Variants in LYPLA1 observed in about 807,000 individuals in gnomAD.
LYPLA1 encodes the protein lysophospholipase 1.
In LYPLA1, 17 loss-of-function variants were observed where a neutral mutation model predicts 34.0. The ratio of observed to expected loss-of-function variants is 0.50; its 90% CI spans 0.34 to 0.75. The LOEUF is 0.75. Among genes scored for constraint, LYPLA1 ranks in the 30% least tolerant of loss-of-function variants. The pLI is 0.01. For missense variants in LYPLA1, 203 were observed against 288.8 expected (o/e 0.70, Z 2.15); for synonymous variants, 98 against 100.8 (o/e 0.97, Z 0.17).
chr8:54,066,153 G>A (rs1160477238), intron 2 of LYPLA1, among the ~76,000 whole-genome samples: 1 of 152,026 alleles, frequency 6.6e-6, no homozygotes, highest in Non-Finnish European at 1.5e-5. Context: ...TAGCCAGGAT[G>A]GTCTTGATCT....
intron 5 of LYPLA1, among the ~76,000 whole-genome samples, chr8:54,060,610 C>T (rs1459352677): frequency 6.6e-6 from 1 of 152,106 alleles, no homozygotes; most frequent in Non-Finnish European, 1.5e-5. Context: ...GTAAGAAACA[C>T]CTAGCTTGTA....
intron 8 of LYPLA1, 27 bp downstream of exon 8, chr8:54,050,985 C>T (rs765965245): frequency 8.4e-6 from 13 of 1,555,218 alleles, no homozygotes; most frequent in East Asian, 6.8e-5. Flanking sequence ...ACAAATATGG[C>T]GCTGATCACT....
At chr8:54,043,572 C>A (rs547233437), downstream of LYPLA1, among the ~76,000 whole-genome samples, 42 of 151,832 alleles carry the variant, frequency 2.8e-4, no homozygotes, top group African/African-American at 9.2e-4. Context: ...CCGCACCTGA[C>A]CCTATTTATT....
chr8:54,096,716 C>T (rs1459063570), intron 2 of LYPLA1, among the ~76,000 whole-genome samples: 1 of 151,058 alleles, frequency 6.6e-6, no homozygotes, highest in Non-Finnish European at 1.5e-5. Context: ...ACACTCCAGC[C>T]TGGACGACAG....
In LYPLA1 at chr8:54,091,945, AGGCATGGT is replaced by A. The variant is rs541711419; in HGVS notation, c.101+8955_101+8962del. Among the ~76,000 whole-genome samples, 331 of 152,180 alleles carry A rather than the reference AGGCATGGT, an allele frequency of 2.2e-3. 5 individuals are homozygous for A. Among genetic ancestry groups the A allele is most frequent in the African/African-American group, 7.3e-3 (305 of 41,530 alleles). On this transcript the variant is annotated intron_variant, in intron 2 of 8. Transcript: ENST00000316963. ...TCTACAAAAACTTTAAAAAATAGCCAGGCATGGTGGCATGCAGCTGTACTTCCAGTCAC... is the reference window on the plus strand; with the variant it reads ...TCTACAAAAACTTTAAAAAATAGCCAGGCATGCAGCTGTACTTCCAGTCAC...
At position 54,082,125 on chromosome 8, in the gene LYPLA1, C is replaced by G. The variant is rs117001987; in HGVS notation, c.102-16312G>C. On this transcript the variant is annotated intron_variant, in intron 2 of 8. Coordinates refer to ENST00000316963, the MANE Select transcript of LYPLA1 (RefSeq NM_006330.4). The stretch of plus-strand genomic sequence containing the variant: ...CGAAACTGCAGTCCCGTAGGAGAAA[C>G]AAGATATAAACATACCACCACACAG... 7.9e-4 allele frequency among the ~76,000 whole-genome samples: 121 copies of G among 152,246 alleles called. 2 individuals carry two copies. In the East Asian group the frequency reaches 0.022, roughly 27 times the overall value.
chr8:54,065,477 A>AATAC (rs1462385007), intron 3 of LYPLA1, among the ~76,000 whole-genome samples: 1 of 151,276 alleles, frequency 6.6e-6, no homozygotes, highest in Non-Finnish European at 1.5e-5. Flanking sequence ...TAAATAAATA[A>AATAC]ATAAATAAAT....
Position 54,047,244 on chromosome 8 carries a change from G to A in LYPLA1, c.*821C>T, listed in dbSNP as rs1469668399. On this transcript the variant is annotated 3_prime_UTR_variant, in exon 9 of 9. Transcript: ENST00000316963. ...TAATTCGAAATAAGTAGTGCATGAA[G>A]TTTTAATGTCTGGTTTCTCTATAAA... 3 of 152,170 alleles carry A rather than the reference G, an allele frequency of 2.0e-5. No homozygotes were observed. The highest frequency in any genetic ancestry group is 4.4e-5 in the Non-Finnish European group (3 of 67,982). The allele number at this position is 152,170 out of a possible 1,614,324, so 9.4% of individuals were successfully genotyped here. A position where few individuals can be genotyped will look rare whatever the true frequency, so the allele number is the denominator to read the frequency against.
At chr8:54,081,632 G>A (rs1315533106) in intron 2 of LYPLA1, among the ~76,000 whole-genome samples, 3 of 151,920 alleles carry the variant, frequency 2.0e-5, no homozygotes, top group Non-Finnish European at 4.4e-5. Flanking sequence ...GGTCAGGCTG[G>A]TCTCAAACTC....
At chr8:54,070,517 G>A (rs1209608861) in intron 2 of LYPLA1, among the ~76,000 whole-genome samples, 1 of 152,048 alleles carries the variant, frequency 6.6e-6, no homozygotes, top group Non-Finnish European at 1.5e-5. Flanking sequence ...TGAGGTCAGG[G>A]GTTCGAGACC....
chr8:54,101,904 CG>C lies in LYPLA1; in HGVS notation c.-82del. On this transcript the variant is annotated 5_prime_UTR_variant, in exon 1 of 9. Coordinates refer to ENST00000316963, the MANE Select transcript of LYPLA1 (RefSeq NM_006330.4). ...CCAAGGGCGTGCGAGCGGCGAGTCC[CG>C]GCCGGCCCCACCGGGCGCACGCTCA... The C allele has an allele frequency of 1.2e-6, 1 of 851,406 alleles. No individual in the cohort carries two copies. The highest frequency in any genetic ancestry group is 1.5e-6 in the Non-Finnish European group (1 of 659,788). The allele number at this position is 851,406 out of a possible 1,614,324, so 52.7% of individuals were successfully genotyped here.
At chr8:54,065,690 A>G (rs1470914792) in intron 3 of LYPLA1, 58 bp downstream of exon 3, 4 of 1,343,926 alleles carry the variant, frequency 3.0e-6, no homozygotes, top group Non-Finnish European at 4.2e-6. Flanking sequence ...GGGTAAAGCA[A>G]TCACAATTGC....
chr8:54,093,146 C>T (rs1809434616), intron 2 of LYPLA1, among the ~76,000 whole-genome samples: 1 of 152,112 alleles, frequency 6.6e-6, no homozygotes, highest in Non-Finnish European at 1.5e-5. Context: ...CGAGTGTGTC[C>T]ACACTGAGAA....
At chr8:54,055,738 G>A (rs1482754483) in intron 5 of LYPLA1, among the ~76,000 whole-genome samples, 1 of 151,712 alleles carries the variant, frequency 6.6e-6, no homozygotes, top group African/African-American at 2.4e-5. Context: ...CCGCCTACTG[G>A]ATTCATGCCA....
intron 5 of LYPLA1, among the ~76,000 whole-genome samples, chr8:54,055,335 T>A (rs566269400): frequency 2.8e-4 from 43 of 152,148 alleles, no homozygotes; most frequent in East Asian, 1.5e-3. Flanking sequence ...AAGGAAATTT[T>A]AAAAAAATCA....
rs1442189549 is a variant in LYPLA1, at chr8:54,091,541, GAA to G, written c.101+9365_101+9366del. ...AAGAAAAAGAAAAGAAAAAAGAAAA[GAA>G]AAGAAAAGAAGAAAGGAAGGAAGGA... On this transcript the variant is annotated intron_variant, in intron 2 of 8. Transcript: ENST00000316963. Among the ~76,000 whole-genome samples the G allele has an allele frequency of 3.5e-4, 47 of 135,886 alleles. 1 individual carries two copies. The highest frequency in any genetic ancestry group is 1.0e-3 in the African/African-American group (38 of 37,056). 89.1% of individuals were successfully genotyped at this position (135,886 alleles called of 152,430 possible).
At chr8:54,085,187 C>A (rs1022204734) in intron 2 of LYPLA1, among the ~76,000 whole-genome samples, 4 of 152,350 alleles carry the variant, frequency 2.6e-5, no homozygotes, top group African/African-American at 9.6e-5. Flanking sequence ...AGGGTTTCGC[C>A]GTGTTGGCCG....
At chr8:54,057,132 G>C (rs573271553) in intron 5 of LYPLA1, among the ~76,000 whole-genome samples, 3 of 152,260 alleles carry the variant, frequency 2.0e-5, no homozygotes, top group Admixed American at 6.5e-5. Flanking sequence ...GTGGAGAAAA[G>C]AGAACCCTCA....
At chr8:54,054,785 G>T (rs1296785662) in intron 6 of LYPLA1, 1 of 306,078 alleles carries the variant, frequency 3.3e-6, no homozygotes, top group African/African-American at 2.2e-5. Context: ...TCCTCCTATA[G>T]AGGGGACTCA....
Sources: allele counts gnomAD v4.1 joint callset (sites outside exome capture counted in the v4.1 genomes callset), GRCh38; gene constraint gnomAD v4.1.1; transcripts MANE v1.5; gene names NCBI Gene and HGNC (gene_info 2026-07-23, HGNC 2026-07-21).